Variants in SLC24A2 observed in about 807,000 individuals in gnomAD.
SLC24A2 encodes the protein sodium/potassium/calcium exchanger 2.
In SLC24A2, 36 loss-of-function variants were observed where a neutral mutation model predicts 62.0. The ratio of observed to expected loss-of-function variants is 0.58; its 90% CI spans 0.44 to 0.77. SLC24A2 has a LOEUF of 0.77. Among genes scored for constraint, SLC24A2 ranks in the 30% least tolerant of loss-of-function variants. The probability of loss-of-function intolerance (pLI) is 0.00; values close to 1 mark genes in which losing one functional copy is unlikely to be tolerated. For synonymous variants in SLC24A2, 358 were observed against 294.0 expected (o/e 1.22, Z -2.23); for missense variants, 846 against 817.9 (o/e 1.03, Z -0.42).
intron 2 of SLC24A2, among the ~76,000 whole-genome samples, chr9:19,629,772 A>G (rs1818129630): frequency 6.6e-6 from 1 of 152,178 alleles, no homozygotes; most frequent in Non-Finnish European, 1.5e-5. Context: ...TATTTCTGAC[A>G]CTTCAAGGAC....
At chr9:19,630,622 C>T (rs10121795) in intron 2 of SLC24A2, among the ~76,000 whole-genome samples, 93,852 of 151,868 alleles carry the variant, frequency 0.62, 29,843 homozygotes, top group East Asian at 0.77. Context: ...GAAATATCAA[C>T]GGTACCATAT....
At chr9:19,685,023 A>G (rs1474143240) in intron 2 of SLC24A2, among the ~76,000 whole-genome samples, 2 of 152,144 alleles carry the variant, frequency 1.3e-5, no homozygotes, top group African/African-American at 4.8e-5. Flanking sequence ...ATTAATGTAC[A>G]AAAATCACTA....
chr9:20,199,466 TGTCCTAATTC>T, the SLC24A2 span, among the ~76,000 whole-genome samples: 3 of 152,166 alleles, frequency 2.0e-5, no homozygotes, highest in Non-Finnish European at 2.9e-5. Context: ...ATCTGGGGGG[TGTCCTAATTC>T]TTATTACTAA....
the SLC24A2 span, among the ~76,000 whole-genome samples, chr9:19,848,311 G>A: frequency 7.2e-5 from 11 of 152,202 alleles, no homozygotes; most frequent in South Asian, 2.1e-4. Flanking sequence ...AAAATATTAC[G>A]CTAAACATTG....
At chr9:19,968,555 G>A in the SLC24A2 span, among the ~76,000 whole-genome samples, 3 of 152,144 alleles carry the variant, frequency 2.0e-5, no homozygotes, top group Non-Finnish European at 2.9e-5. Context: ...TGTTTTAGGT[G>A]TTATATTGAC....
chr9:19,786,043 C>G lies in SLC24A2; in HGVS notation c.824G>C (p.Cys275Ser). 2 of 1,614,080 alleles carry G rather than the reference C, an allele frequency of 1.2e-6. No homozygotes were observed. The highest frequency in any genetic ancestry group is 1.7e-6 in the Non-Finnish European group (2 of 1,179,976). Residue 275 changes from cysteine (C) to serine (S), a missense_variant, in exon 2 of 11, where the codon TGC becomes TCC. By Grantham distance (112) the Cys-to-Ser change is moderately radical. Coordinates refer to ENST00000341998, the MANE Select transcript of SLC24A2 (RefSeq NM_020344.4). The surrounding 1 kb of genome is among the most constrained non-coding windows in gnomAD (Gnocchi z 5.0). ...ESLLLLTAYF[C>S]YVVFMKFNVQ... ...GTTGAATTTCATGAAAACCACATAG[C>G]AAAAATAAGCTGTTAAGAGAAGCAA... is the stretch of plus-strand genomic sequence containing the variant.
the SLC24A2 span, among the ~76,000 whole-genome samples, chr9:20,305,177 C>T: frequency 2.0e-5 from 3 of 149,618 alleles, no homozygotes; most frequent in Non-Finnish European, 3.0e-5. Context: ...GGCACAATCT[C>T]GTCTCCCTGC....
At chr9:19,517,116 T>G (rs947256104) in intron 10 of SLC24A2, among the ~76,000 whole-genome samples, 1 of 152,206 alleles carries the variant, frequency 6.6e-6, no homozygotes, top group East Asian at 1.9e-4. Context: ...GGATCTCTTG[T>G]GTTTCCTATC....
chr9:19,705,199 A>C (rs1306140982), intron 2 of SLC24A2: 1 of 152,230 alleles, frequency 6.6e-6, no homozygotes, highest in East Asian at 1.9e-4. Flanking sequence ...AAATGACATA[A>C]TGCAAATAAT....
At chr9:20,288,510 T>A in the SLC24A2 span, among the ~76,000 whole-genome samples, 1 of 152,094 alleles carries the variant, frequency 6.6e-6, no homozygotes, top group Admixed American at 6.6e-5. Context: ...GACTCATGCC[T>A]GTAATCCCAA....
intron 2 of SLC24A2, among the ~76,000 whole-genome samples, chr9:19,726,305 G>A (rs1303702149): frequency 6.6e-6 from 1 of 152,152 alleles, no homozygotes; most frequent in Admixed American, 6.5e-5. Flanking sequence ...AAGAGTATAT[G>A]CAACCAAAAG....
the SLC24A2 span, among the ~76,000 whole-genome samples, chr9:19,987,730 C>A: frequency 1.3e-5 from 2 of 152,172 alleles, no homozygotes; most frequent in East Asian, 1.9e-4. Context: ...GCCTGATAAT[C>A]CTGCATCACA....
chr9:20,178,409 C>T, the SLC24A2 span, among the ~76,000 whole-genome samples: 6 of 152,154 alleles, frequency 3.9e-5, no homozygotes, highest in Non-Finnish European at 7.4e-5. Context: ...GAAGGGTACA[C>T]TGTCACTACA....
At chr9:20,153,412 C>T in the SLC24A2 span, among the ~76,000 whole-genome samples, 2 of 151,894 alleles carry the variant, frequency 1.3e-5, no homozygotes, top group African/African-American at 4.8e-5. Flanking sequence ...AGAACACCTG[C>T]TTTGAAGTCA....
chr9:20,035,814 AG>A, the SLC24A2 span, among the ~76,000 whole-genome samples: 1 of 152,194 alleles, frequency 6.6e-6, no homozygotes. Flanking sequence ...AAGGTTTAAA[AG>A]TTGATGGTGC....
chr9:19,925,344 T>C, the SLC24A2 span, among the ~76,000 whole-genome samples: 1 of 152,198 alleles, frequency 6.6e-6, no homozygotes, highest in African/African-American at 2.4e-5. Context: ...AAAAGGAATG[T>C]TGACAGGCTG....
intron 2 of SLC24A2, among the ~76,000 whole-genome samples, chr9:19,662,002 T>G (rs117890616): frequency 0.017 from 2,634 of 152,366 alleles, 33 homozygotes; most frequent in Non-Finnish European, 0.028. Flanking sequence ...ACCTGAGCCT[T>G]ACTCATTCTT....
chr9:19,788,863 G>A, intron 1 of SLC24A2, 22 bp downstream of exon 1: 4 of 985,412 alleles, frequency 4.1e-6, no homozygotes, highest in Admixed American at 6.1e-5. Flanking sequence ...GCGGCAGGCG[G>A]GGCGCAGCCG....
chr9:19,778,392 G>A (rs1204462853), intron 2 of SLC24A2, among the ~76,000 whole-genome samples: 2 of 152,084 alleles, frequency 1.3e-5, no homozygotes, highest in East Asian at 3.9e-4. Context: ...AGCGGGAAGG[G>A]AGTTCAGAGA....
Sources: gnomAD v4.1 joint callset for allele counts (sites outside exome capture counted in the v4.1 genomes callset) on GRCh38, gnomAD v4.1.1 for gene constraint, Gnocchi (gnomAD v3.1) non-coding constraint, MANE v1.5 for transcripts, NCBI Gene and HGNC (gene_info 2026-07-23, HGNC 2026-07-21) for gene names.